The following TOPAZ1 variants were observed in gnomAD, a reference collection of about 807,000 sequenced individuals.
TOPAZ1 encodes the protein protein TOPAZ1.
TOPAZ1 carries 66 observed loss-of-function variants against 172.2 expected under a neutral mutation model. The observed-to-expected ratio is 0.38, with a 90% CI of 0.31 to 0.47. TOPAZ1 has a LOEUF of 0.47. TOPAZ1 is among the 20% of genes least tolerant of loss of function. The probability of loss-of-function intolerance (pLI) is 0.99; values close to 1 mark genes in which losing one functional copy is unlikely to be tolerated. For missense variants in TOPAZ1, 1,822 were observed against 1,972.4 expected (o/e 0.92, Z 1.44); for synonymous variants, 681 against 683.9 (o/e 1.00, Z 0.07).
chr3:44,300,395 T>A (rs1700257472), intron 12 of TOPAZ1, among the ~76,000 whole-genome samples: 1 of 151,462 alleles, frequency 6.6e-6, no homozygotes, highest in Non-Finnish European at 1.5e-5. Context: ...GCCACTGCAC[T>A]CCAGCTTGGG....
chr3:44,333,572 G>A (rs1700692976), downstream of TOPAZ1, among the ~76,000 whole-genome samples: 1 of 152,166 alleles, frequency 6.6e-6, no homozygotes, highest in Non-Finnish European at 1.5e-5. Flanking sequence ...ATGCAGGAGG[G>A]AAAGGATGAT....
At chr3:44,308,289 C>T (rs1700358174) in intron 15 of TOPAZ1, among the ~76,000 whole-genome samples, 1 of 147,916 alleles carries the variant, frequency 6.8e-6, no homozygotes. Context: ...CCCCCAACCC[C>T]ATGACAGGCC....
intron 16 of TOPAZ1, among the ~76,000 whole-genome samples, chr3:44,318,861 TA>T (rs1447480862): frequency 6.7e-6 from 1 of 148,156 alleles, no homozygotes; most frequent in African/African-American, 2.4e-5. Context: ...CCTTTATATA[TA>T]AAAATATATA....
At chr3:44,277,948 A>G (rs1699981072) in intron 8 of TOPAZ1, among the ~76,000 whole-genome samples, 1 of 152,212 alleles carries the variant, frequency 6.6e-6, no homozygotes, top group African/African-American at 2.4e-5. Context: ...CCATGGGCCA[A>G]TTAAACATCT....
intron 17 of TOPAZ1, 77 bp downstream of exon 17, chr3:44,321,268 C>A: frequency 9.6e-7 from 1 of 1,046,950 alleles, no homozygotes; most frequent in Non-Finnish European, 1.3e-6. Flanking sequence ...TAGTTATCCA[C>A]CTGTTTTGAT....
intron 4 of TOPAZ1, among the ~76,000 whole-genome samples, chr3:44,261,201 A>G (rs954805768): frequency 2.0e-5 from 3 of 151,994 alleles, no homozygotes; most frequent in African/African-American, 7.2e-5. Context: ...GGAACATGGT[A>G]GGTCCTCGGT....
intron 17 of TOPAZ1, among the ~76,000 whole-genome samples, chr3:44,322,803 A>G (rs1369226330): frequency 6.6e-6 from 1 of 152,220 alleles, no homozygotes; most frequent in Non-Finnish European, 1.5e-5. Context: ...CTGTAGTCCA[A>G]GCTACTTAGG....
Position 44,269,134 on chromosome 3 carries a change from A to G in TOPAZ1, c.3161-82A>G. 6.4e-6 allele frequency: 5 copies of G among 780,842 alleles called. No individual in the cohort carries two copies. In the South Asian group the frequency reaches 7.5e-5, roughly 12 times the overall value. 48.4% of individuals were successfully genotyped at this position (780,842 alleles called of 1,614,324 possible). ...TTCAAAGTGAAACTTTAAAGCAGAT[A>G]GTAGTGATCATCTATTTCATTGTTA... On this transcript the variant is annotated intron_variant, in intron 6 of 19. Coordinates refer to ENST00000309765, the MANE Select transcript of TOPAZ1 (RefSeq NM_001145030.2).
chr3:44,264,335 A>G (rs1699805955), intron 5 of TOPAZ1, among the ~76,000 whole-genome samples: 1 of 132,242 alleles, frequency 7.6e-6, no homozygotes, highest in South Asian at 2.1e-4. Flanking sequence ...AATGAGTCAT[A>G]TGAATTTTTT....
At chr3:44,302,302 C>G (rs763223825) in intron 12 of TOPAZ1, among the ~76,000 whole-genome samples, 2 of 151,934 alleles carry the variant, frequency 1.3e-5, no homozygotes, top group Non-Finnish European at 2.9e-5. Context: ...CCCAGCTTCT[C>G]GGGAGGCTGA....
chr3:44,271,351 G>A (rs1252824684), intron 8 of TOPAZ1, among the ~76,000 whole-genome samples: 3 of 152,134 alleles, frequency 2.0e-5, no homozygotes, highest in Non-Finnish European at 4.4e-5. Flanking sequence ...ATTCTGGTGG[G>A]TGGGTAGTGA....
chr3:44,292,942 A>T (rs1700153873), intron 12 of TOPAZ1, among the ~76,000 whole-genome samples: 1 of 152,160 alleles, frequency 6.6e-6, no homozygotes. Context: ...CTGTATCTTT[A>T]TACCCTCTGC....
Position 44,244,185 on chromosome 3 carries a change from C to G in TOPAZ1, c.1679C>G (p.Ser560Ter). 6.5e-7 allele frequency: 1 copy of G among 1,550,138 alleles called. No homozygotes were observed. The highest frequency in any genetic ancestry group is 8.7e-7 in the Non-Finnish European group (1 of 1,146,334). Residue 560 changes from serine to a stop codon, truncating the protein, a stop_gained, in exon 2 of 20, where the codon TCA becomes TGA. Coordinates refer to ENST00000309765, the MANE Select transcript of TOPAZ1 (RefSeq NM_001145030.2). LOFTEE classifies it high-confidence loss of function. ...SSLTETNTES[S>*]SKEKLDSNSN... ...TTAACAGAAACAAACACTGAATCTT[C>G]AAGTAAAGAAAAATTAGATTCTAAT...
At chr3:44,297,751 A>T (rs1014437659) in intron 12 of TOPAZ1, among the ~76,000 whole-genome samples, 7 of 44,514 alleles carry the variant, frequency 1.6e-4, no homozygotes, top group Admixed American at 9.2e-4. Context: ...ACCAAAATTT[A>T]AAAAAAAAAC....
chr3:44,316,521 T>A (rs1039550739), intron 16 of TOPAZ1, among the ~76,000 whole-genome samples: 1 of 152,162 alleles, frequency 6.6e-6, no homozygotes, highest in African/African-American at 2.4e-5. Context: ...CCTTGATCTG[T>A]TGGGTATTTA....
chr3:44,288,065 T>C (rs1700098643), intron 11 of TOPAZ1, among the ~76,000 whole-genome samples: 1 of 152,152 alleles, frequency 6.6e-6, no homozygotes, highest in South Asian at 2.1e-4. Context: ...TATTGCTTTT[T>C]GATGTATGAA....
chr3:44,252,733 C>T (rs1699649186), intron 2 of TOPAZ1, among the ~76,000 whole-genome samples: 1 of 152,142 alleles, frequency 6.6e-6, no homozygotes, highest in Admixed American at 6.5e-5. Flanking sequence ...TCTCTTGGCA[C>T]ATATCTCAGT....
chr3:44,267,289 CTTTTT>C (rs71085610), intron 6 of TOPAZ1, among the ~76,000 whole-genome samples, 153 bp downstream of exon 6: 1 of 104,622 alleles, frequency 9.6e-6, no homozygotes. Context: ...TTACTTAGTA[CTTTTT>C]TTTTTTTTTT....
chr3:44,294,556 G>A (rs905960986), intron 12 of TOPAZ1, among the ~76,000 whole-genome samples: 1 of 152,090 alleles, frequency 6.6e-6, no homozygotes, highest in Non-Finnish European at 1.5e-5. Context: ...GTGCAGTGGT[G>A]CAATCATGGC....
Sources: gnomAD v4.1 joint callset for allele counts (sites outside exome capture counted in the v4.1 genomes callset) on GRCh38, gnomAD v4.1.1 for gene constraint, MANE v1.5 for transcripts, NCBI Gene and HGNC (gene_info 2026-07-23, HGNC 2026-07-21) for gene names.